Variants in SACS observed in about 807,000 individuals in gnomAD.
SACS encodes the protein sacsin.
In SACS, 197 loss-of-function variants were observed where a neutral mutation model predicts 348.0. The ratio of observed to expected loss-of-function variants is 0.57; its 90% CI spans 0.50 to 0.64. The LOEUF is 0.64. Among genes scored for constraint, SACS ranks in the 30% least tolerant of loss-of-function variants. SACS has a pLI of 0.00. For missense variants in SACS, 4,999 were observed against 5,360.8 expected (o/e 0.93, Z 2.11); for synonymous variants, 1,985 against 1,910.6 (o/e 1.04, Z -1.02).
intron 2 of SACS, among the ~76,000 whole-genome samples, chr13:23,403,722 G>GT (rs1040311846): frequency 7.2e-5 from 11 of 152,050 alleles, no homozygotes; most frequent in African/African-American, 2.2e-4. Flanking sequence ...TTTTTGAAGG[G>GT]TTTTTTTGTG....
At chr13:23,399,433 C>T (rs902460048) in intron 2 of SACS, among the ~76,000 whole-genome samples, 5 of 152,108 alleles carry the variant, frequency 3.3e-5, no homozygotes, top group Non-Finnish European at 7.4e-5. Flanking sequence ...CTGCCCCTCC[C>T]GCCGAAACTA....
intron 2 of SACS, among the ~76,000 whole-genome samples, chr13:23,394,984 G>A (rs755452635): frequency 2.0e-5 from 3 of 152,162 alleles, no homozygotes; most frequent in Non-Finnish European, 2.9e-5. Context: ...TTAGGGATCC[G>A]TTCATGAGTC....
In SACS at chr13:23,334,065, CAAT is replaced by C; in HGVS notation, c.9808_9810del (p.Ile3270del). On this transcript the variant is annotated inframe_deletion, in exon 10 of 10. Coordinates refer to ENST00000382292, the MANE Select transcript of SACS (RefSeq NM_014363.6). ...GCCCAGTCTTTTAGAGTATCAACAA[CAAT>C]GTCAAATGTTGGTTTTGTTTCTTCC... is the stretch of plus-strand genomic sequence containing the variant. The C allele has an allele frequency of 6.2e-7, 1 of 1,613,798 alleles. No individual in the cohort carries two copies.
rs543533012 is a variant in SACS at position 23,362,645 on chromosome 13, G to A, written c.457+2521C>T. Among the ~76,000 whole-genome samples the A allele has an allele frequency of 2.7e-5, 4 of 148,588 alleles. No homozygotes were observed. In the East Asian group the frequency reaches 7.9e-4, roughly 29 times the overall value. The stretch of plus-strand genomic sequence containing the variant: ...CTGTCACCCAGGCTGGAGTGCAGTG[G>A]CAAGATCTCGGCTCACTGCAATCTC... On this transcript the variant is annotated intron_variant, in intron 6 of 9. Coordinates refer to ENST00000382292, the MANE Select transcript of SACS (RefSeq NM_014363.6).
chr13:23,432,067 A>C (rs1047966246), intron 1 of SACS, among the ~76,000 whole-genome samples: 6 of 152,150 alleles, frequency 3.9e-5, no homozygotes, highest in Non-Finnish European at 5.9e-5. Context: ...ACAGGAGGGA[A>C]CTGAGGCTCA....
chr13:23,425,944 G>T (rs1209750752), intron 1 of SACS, among the ~76,000 whole-genome samples: 1 of 152,148 alleles, frequency 6.6e-6, no homozygotes, highest in Non-Finnish European at 1.5e-5. Context: ...AGATTACCTT[G>T]CAGGGGCATG....
intron 2 of SACS, among the ~76,000 whole-genome samples, chr13:23,392,201 CG>C (rs1566099343): frequency 6.6e-6 from 1 of 152,146 alleles, no homozygotes; most frequent in African/African-American, 2.4e-5. Flanking sequence ...GGACTGTAAC[CG>C]GGCCCTCTCT....
At chr13:23,362,975 T>C (rs1256877616) in intron 6 of SACS, among the ~76,000 whole-genome samples, 1 of 151,706 alleles carries the variant, frequency 6.6e-6, no homozygotes, top group Non-Finnish European at 1.5e-5. Context: ...AATGGCACAG[T>C]CTCAGCTCAC....
intron 5 of SACS, among the ~76,000 whole-genome samples, chr13:23,368,076 C>CTGGTTGGTTGGT (rs58921322): frequency 1.4e-4 from 22 of 151,864 alleles, no homozygotes; most frequent in African/African-American, 3.1e-4. Flanking sequence ...GGCTGGCTGG[C>CTGGTTGGTTGGT]TGGTTGGTTG....
intron 2 of SACS, among the ~76,000 whole-genome samples, chr13:23,396,303 G>A (rs1343939177): frequency 1.4e-5 from 2 of 144,522 alleles, no homozygotes; most frequent in African/African-American, 2.6e-5. Context: ...CAGCCTGGGC[G>A]ACAGAGCCAG....
chr13:23,358,917 A>G (rs771861462), intron 6 of SACS, among the ~76,000 whole-genome samples: 1 of 152,168 alleles, frequency 6.6e-6, no homozygotes, highest in Non-Finnish European at 1.5e-5. Flanking sequence ...CATGCTTGTA[A>G]TCCCAGCATC....
chr13:23,415,570 C>T (rs1873662274), intron 1 of SACS, among the ~76,000 whole-genome samples: 1 of 152,212 alleles, frequency 6.6e-6, no homozygotes, highest in Non-Finnish European at 1.5e-5. Flanking sequence ...ATTCTTTTCT[C>T]AAAATACAGC....
At chr13:23,378,195 G>A (rs61948384) in intron 2 of SACS, among the ~76,000 whole-genome samples, 60 of 152,194 alleles carry the variant, frequency 3.9e-4, no homozygotes, top group Non-Finnish European at 7.3e-4. Context: ...ATTTTAATGA[G>A]AGTTTGTTGT....
intron 1 of SACS, chr13:23,419,060 G>A (rs954113373): frequency 2.0e-5 from 3 of 152,462 alleles, no homozygotes; most frequent in Admixed American, 6.5e-5. Flanking sequence ...TGGGGCCCCA[G>A]AGAGTGCCAC....
In SACS at chr13:23,378,660, TGA is replaced by T. The variant is rs370451003; in HGVS notation, c.21-3393_21-3392del. On this transcript the variant is annotated intron_variant, in intron 2 of 9. Coordinates refer to ENST00000382292, the MANE Select transcript of SACS (RefSeq NM_014363.6). ...TTCGCCATGTTGGCCAGGCTGGTCT[TGA>T]ACTCCTGACCACAGGTGTTTCCGCC... Among the ~76,000 whole-genome samples the T allele has an allele frequency of 2.0e-3, 300 of 152,134 alleles. 1 individual carries two copies. The highest frequency in any genetic ancestry group is 6.8e-3 in the African/African-American group (282 of 41,526).
At position 23,340,768 on chromosome 13, in the gene SACS, T is replaced by C; in HGVS notation, c.3108A>G (p.Pro1036=). The C allele has an allele frequency of 6.2e-7, 1 of 1,606,408 alleles. No homozygotes were observed. Among genetic ancestry groups the C allele is most frequent in the Non-Finnish European group, 8.5e-7 (1 of 1,177,026 alleles). The change falls in exon 10 of 10, where the codon CCA becomes CCG. Residue 1036 remains proline (P), a synonymous_variant. Transcript: ENST00000382292. ...ENPNVLEWLT[P]LKFIQISQEQ... is the part of the protein sequence containing the mutation. ...CCTGTGATATCTGGATGAATTTTAA[T>C]GGTGTTAACCACTCAAGCACATTTG...
rs1158358370 is a variant in SACS at position 23,337,554 on chromosome 13, C to T, written c.6322G>A (p.Val2108Ile). The change falls in exon 10 of 10, where the codon GTT (valine) becomes ATT (isoleucine). Residue 2108 changes from valine (V) to isoleucine (I), a missense_variant. By Grantham distance (29) the Val-to-Ile change is conservative (BLOSUM62 3). Around this residue, in one of 6 missense-constraint regions of SACS, gnomAD observed 3,156 missense variants for 3,380.1 expected, o/e 0.93. Coordinates refer to ENST00000382292, the MANE Select transcript of SACS (RefSeq NM_014363.6). The part of the protein sequence containing the change: ...IPCSLEGHPL[V>I]LPSRLIHPEG... ...GGGTGGATCAATCTTGATGGCAAAA[C>T]CAAAGGATGCCCCTCCAAGGAACAA... 6.2e-7 allele frequency: 1 copy of T among 1,613,852 alleles called. No homozygotes were observed. Among genetic ancestry groups the T allele is most frequent in the South Asian group, 1.1e-5 (1 of 91,066 alleles).
chr13:23,397,838 G>A (rs867252175), intron 2 of SACS, among the ~76,000 whole-genome samples: 1 of 152,192 alleles, frequency 6.6e-6, no homozygotes, highest in East Asian at 1.9e-4. Context: ...CATATGCCCA[G>A]GGTGGTTGAG....
chr13:23,400,671 C>T (rs1439297783), intron 2 of SACS, among the ~76,000 whole-genome samples: 4 of 152,214 alleles, frequency 2.6e-5, no homozygotes, highest in African/African-American at 7.2e-5. Flanking sequence ...CCGCCCGCCT[C>T]GGCCTCCCAA....
Sources: gnomAD v4.1 joint callset for allele counts (sites outside exome capture counted in the v4.1 genomes callset) on GRCh38, gnomAD v4.1.1 for gene constraint, gnomAD v4.1.1 regional missense constraint, MANE v1.5 for transcripts, NCBI Gene and HGNC (gene_info 2026-07-23, HGNC 2026-07-21) for gene names.